ZFP64: variants seen among roughly 807,000 people sequenced by gnomAD.
ZFP64 encodes ZFP64 zinc finger protein, also known as zinc finger protein 64.
A neutral mutation model predicts 51.6 loss-of-function variants in ZFP64; 14 were observed. That is an observed-to-expected ratio of 0.27 (90% confidence interval 0.18 to 0.42). ZFP64 has a LOEUF of 0.42. ZFP64 is among the 10% of genes least tolerant of loss of function. The probability of loss-of-function intolerance (pLI) is 1.00; values close to 1 mark genes in which losing one functional copy is unlikely to be tolerated. For synonymous variants in ZFP64, 375 were observed against 361.4 expected, an observed-to-expected ratio of 1.04 and a Z score of -0.43; for missense variants, 754 against 906.8, an observed-to-expected ratio of 0.83 and a Z score of 2.16.
intron 3 of ZFP64, chr20:52,165,097 T>A: frequency 2.1e-6 from 1 of 479,846 alleles, no homozygotes; most frequent in Non-Finnish European, 4.1e-6. Flanking sequence ...ATGAAAGACA[T>A]AAAATCTAAA....
chr20:52,109,521 T>C (rs1251309519), intron 5 of ZFP64, among the ~76,000 whole-genome samples: 1 of 152,094 alleles, frequency 6.6e-6, no homozygotes, highest in Non-Finnish European at 1.5e-5. Context: ...GGCTCATGCC[T>C]GTAACCCCAG....
intron 2 of ZFP64, among the ~76,000 whole-genome samples, chr20:52,177,430 TC>T (rs751806940): frequency 6.2e-4 from 94 of 152,024 alleles, no homozygotes; most frequent in Non-Finnish European, 1.3e-3. Context: ...AAGCCATGTG[TC>T]CCAGTTTTGG....
chr20:52,186,731 G>T, intron 2 of ZFP64, 101 bp downstream of exon 2: 1 of 1,477,484 alleles, frequency 6.8e-7, no homozygotes, highest in Non-Finnish European at 9.1e-7. Context: ...AGCAACCCTA[G>T]GGGGTGGGCT....
intron 2 of ZFP64, among the ~76,000 whole-genome samples, chr20:52,175,079 G>T (rs1468571808): frequency 6.6e-6 from 1 of 151,790 alleles, no homozygotes; most frequent in Non-Finnish European, 1.5e-5. Context: ...TTTTTTTCTT[G>T]ATTTGTAAAT....
At chr20:52,094,808 C>T (rs1439965905) in intron 7 of ZFP64, among the ~76,000 whole-genome samples, 1 of 152,054 alleles carries the variant, frequency 6.6e-6, no homozygotes, top group African/African-American at 2.4e-5. Flanking sequence ...CCACTATTCC[C>T]AGTTAAACAC....
At chr20:52,100,379 G>A (rs1157246733) in intron 5 of ZFP64, among the ~76,000 whole-genome samples, 1 of 152,108 alleles carries the variant, frequency 6.6e-6, no homozygotes, top group Non-Finnish European at 1.5e-5. Context: ...CCAGGTAGCT[G>A]GGATTACAGA....
intron 5 of ZFP64, among the ~76,000 whole-genome samples, chr20:52,119,766 C>A (rs754759422): frequency 2.0e-5 from 3 of 151,466 alleles, no homozygotes; most frequent in Non-Finnish European, 4.4e-5. Flanking sequence ...AAAAACAACC[C>A]CTCCCCACTC....
At position 52,151,613 on chromosome 20, in the gene ZFP64, C is replaced by T; in HGVS notation, c.*533G>A. 8.1e-6 allele frequency: 8 copies of T among 987,010 alleles called. No homozygotes were observed. Among genetic ancestry groups the T allele is most frequent in the Non-Finnish European group, 9.6e-6 (8 of 830,998 alleles). The allele number at this position is 987,010 out of a possible 1,614,324, so 61.1% of individuals were successfully genotyped here. On this transcript the variant is annotated 3_prime_UTR_variant, in exon 6 of 6. Coordinates refer to ENST00000216923, the MANE Select transcript of ZFP64 (RefSeq NM_018197.3). Reference sequence around the variant, plus strand: ...CCCCTCATTGGAATCATCTTGGTAACATTTAAGATTCTACAACAGTTATAA... The same window carrying T: ...CCCCTCATTGGAATCATCTTGGTAATATTTAAGATTCTACAACAGTTATAA...
chr20:52,084,613 T>C, exon 9 of ZFP64: 1 of 1,614,096 alleles, frequency 6.2e-7, no homozygotes, highest in East Asian at 2.2e-5. Context: ...GAGACCAGGG[T>C]GCTGAGCTGT....
Position 52,085,288 on chromosome 20 carries a change from C to G in ZFP64, c.1229-22G>C, listed in dbSNP as rs1316560903. 1 of 1,585,558 alleles carries G rather than the reference C, an allele frequency of 6.3e-7. No homozygotes were observed. The highest frequency in any genetic ancestry group is 8.6e-7 in the Non-Finnish European group (1 of 1,163,588). ...TCCCCTAGCAATGGAAGGTGTGTTT[C>G]CATTAGAACAGGCAGGCAAAACAGA... On this transcript the variant is annotated intron_variant, in intron 8 of 8. Transcript: ENST00000361387. This position sits in a 1 kb window ranked among gnomAD's most constrained non-coding sequence, Gnocchi z 4.3.
intron 5 of ZFP64, among the ~76,000 whole-genome samples, chr20:52,135,011 C>T (rs1055790261): frequency 2.6e-5 from 4 of 151,904 alleles, no homozygotes; most frequent in Non-Finnish European, 4.4e-5. Context: ...CAAAGGTGCA[C>T]GCCACTGCAC....
At chr20:52,138,046 TAAA>T (rs1568671722) in intron 5 of ZFP64, among the ~76,000 whole-genome samples, 41 of 123,264 alleles carry the variant, frequency 3.3e-4, no homozygotes, top group Admixed American at 2.1e-3. Context: ...AATAAATAAA[TAAA>T]TAAATAAGCA....
chr20:52,144,065 G>C (rs1282130894), intron 5 of ZFP64, among the ~76,000 whole-genome samples: 1 of 136,266 alleles, frequency 7.3e-6, no homozygotes, highest in Non-Finnish European at 1.6e-5. Flanking sequence ...ATAGTTTGCT[G>C]ATTCCCCCTT....
chr20:52,133,799 G>A (rs985082250), intron 5 of ZFP64, among the ~76,000 whole-genome samples: 1 of 152,052 alleles, frequency 6.6e-6, no homozygotes, highest in Non-Finnish European at 1.5e-5. Flanking sequence ...CTGGCAGGCC[G>A]GGGTAGATCA....
At chr20:52,116,449 T>C (rs1208521303) in intron 5 of ZFP64, among the ~76,000 whole-genome samples, 2 of 150,158 alleles carry the variant, frequency 1.3e-5, no homozygotes, top group Non-Finnish European at 3.0e-5. Context: ...TTTCTTTCTT[T>C]TTTTTTTTTT....
chr20:52,171,386 T>TGTATGCGTATGC (rs964598245), intron 2 of ZFP64, among the ~76,000 whole-genome samples: 14 of 151,908 alleles, frequency 9.2e-5, no homozygotes, highest in Admixed American at 6.6e-5. Flanking sequence ...TATGTGTCTG[T>TGTATGCGTATGC]GTATGCGTAT....
downstream of ZFP64, among the ~76,000 whole-genome samples, chr20:52,149,408 T>TA (rs1555805289): frequency 1.3e-5 from 2 of 152,152 alleles, no homozygotes. Flanking sequence ...AACACTTATT[T>TA]AAAAAAACTA....
chr20:52,143,700 CA>C (rs1980382771), intron 5 of ZFP64, among the ~76,000 whole-genome samples: 2 of 99,796 alleles, frequency 2.0e-5, no homozygotes. Flanking sequence ...CACACCCGGC[CA>C]ATTTTTTTTT....
At chr20:52,168,748 G>A (rs372624394) in intron 2 of ZFP64, among the ~76,000 whole-genome samples, 9 of 152,194 alleles carry the variant, frequency 5.9e-5, no homozygotes, top group East Asian at 1.9e-4. Flanking sequence ...GATTTACCCC[G>A]TTACGGTTTT....
Sources: gnomAD v4.1 joint callset for allele counts (sites outside exome capture counted in the v4.1 genomes callset) on GRCh38, gnomAD v4.1.1 for gene constraint, Gnocchi (gnomAD v3.1) non-coding constraint, MANE v1.5 for transcripts, NCBI Gene and HGNC (gene_info 2026-07-23, HGNC 2026-07-21) for gene names.